Variants in ZNF100 observed in about 807,000 individuals in gnomAD.
The protein encoded by ZNF100 is zinc finger protein 100, also known as zinc finger protein 100 (Y1).
In ZNF100, 12 loss-of-function variants were observed where a neutral mutation model predicts 15.8. The observed-to-expected ratio is 0.76, with a 90% CI of 0.49 to 1.23. ZNF100 has a LOEUF of 1.23. Among genes scored for constraint, ZNF100 ranks in the 50% most tolerant of loss-of-function variants. The pLI, the probability that ZNF100 is intolerant of heterozygous loss-of-function variation, is 0.00. For missense variants in ZNF100, 670 were observed against 635.6 expected (o/e 1.05, Z -0.58); for synonymous variants, 226 against 214.8 (o/e 1.05, Z -0.45).
At chr19:21,741,446 C>T (rs1201968237) in intron 4 of ZNF100, among the ~76,000 whole-genome samples, 3 of 152,126 alleles carry the variant, frequency 2.0e-5, no homozygotes, top group African/African-American at 7.2e-5. Context: ...GCAATCTTGG[C>T]TCACTGCAAC....
Position 21,726,783 on chromosome 19 carries a change from T to C in ZNF100, c.1529A>G (p.Glu510Gly). The change falls in exon 5 of 5, where the codon GAG becomes GGG. Residue 510 changes from glutamate to glycine, a missense_variant. Physicochemically the swap from Glu to Gly is moderately conservative, Grantham distance 98 (BLOSUM62 -2). Transcript: ENST00000358296. ...ACATTCTTCCCATTTGTAAGATTTC[T>C]CTCCAGTATGAGTTATCTTATGTTT... ...LTKHKITHTG[E>G]KSYKWEECGK... The C allele has an allele frequency of 6.2e-7, 1 of 1,613,832 alleles. No individual in the cohort carries two copies. Among genetic ancestry groups the C allele is most frequent in the Non-Finnish European group, 8.5e-7 (1 of 1,179,792 alleles).
rs1011288990 is a variant in ZNF100 at position 21,725,783 on chromosome 19, A to G, written c.*900T>C. The G allele has an allele frequency of 2.0e-5, 3 of 151,974 alleles. No individual in the cohort carries two copies. In the East Asian group the frequency reaches 5.8e-4, roughly 29 times the overall value. The allele number at this position is 151,974 out of a possible 1,614,324, so 9.4% of individuals were successfully genotyped here. ...ATTTTACCAATTTTAGTTTTAGATT[A>G]TTTTCTATACTCAGCACTCTGATTT... On this transcript the variant is annotated 3_prime_UTR_variant, in exon 5 of 5. Transcript: ENST00000358296.
Position 21,767,353 on chromosome 19 carries a change from C to A in ZNF100, c.3+74G>T. 4 of 1,608,910 alleles carry A rather than the reference C, an allele frequency of 2.5e-6. No individual in the cohort carries two copies. In the South Asian group the frequency reaches 4.4e-5, roughly 18 times the overall value. On this transcript the variant is annotated intron_variant, in intron 1 of 4. Coordinates refer to ENST00000358296, the MANE Select transcript of ZNF100 (RefSeq NM_173531.4). ...GCTGACTGCGGAGAGGCCTGAGTCC[C>A]GCCACAGCTACTTCCCACCAGTTCC... is the stretch of plus-strand genomic sequence containing the variant.
At chr19:21,757,397 A>G (rs1599404367) in intron 2 of ZNF100, among the ~76,000 whole-genome samples, 1 of 152,238 alleles carries the variant, frequency 6.6e-6, no homozygotes, top group African/African-American at 2.4e-5. Context: ...AAGATATGCC[A>G]CTGAACTCCA....
At chr19:21,743,878 C>CAAAAAA in intron 4 of ZNF100, 139 bp downstream of exon 4, 2 of 724,152 alleles carry the variant, frequency 2.8e-6, no homozygotes, top group Non-Finnish European at 3.8e-6. Flanking sequence ...AAAAAAAGCC[C>CAAAAAA]AAAAAACAAA....
chr19:21,742,717 T>TA (rs1267688667), intron 4 of ZNF100, among the ~76,000 whole-genome samples: 15 of 151,842 alleles, frequency 9.9e-5, no homozygotes, highest in Non-Finnish European at 1.8e-4. Context: ...ATCTTATATA[T>TA]AAAAAAACCA....
intron 2 of ZNF100, among the ~76,000 whole-genome samples, chr19:21,750,317 G>C (rs1449694762): frequency 6.6e-6 from 1 of 152,052 alleles, no homozygotes; most frequent in Non-Finnish European, 1.5e-5. Context: ...AAAATATTGA[G>C]AAAAAGGGAC....
chr19:21,745,061 A>G lies in ZNF100; in HGVS notation c.103T>C (p.Leu35=), dbSNP rs201851917. Residue 35 remains leucine (L), a synonymous_variant, in exon 3 of 5, where the codon TTG becomes CTG. Coordinates refer to ENST00000358296, the MANE Select transcript of ZNF100 (RefSeq NM_173531.4). ...TCTATGGCCACATCCCTAAACGTCA[A>G]TGGCCCCTGAAAAGCACAAGCACAG... ...LVQSYFEKGP[L]TFRDVAIEFS... 49 of 1,611,338 alleles carry G rather than the reference A, an allele frequency of 3.0e-5. No homozygotes were observed. The highest frequency in any genetic ancestry group is 5.1e-5 in the Admixed American group (3 of 59,106).
intron 2 of ZNF100, among the ~76,000 whole-genome samples, chr19:21,745,435 T>G (rs2036194906): frequency 6.6e-6 from 1 of 152,194 alleles, no homozygotes; most frequent in Admixed American, 6.5e-5. Flanking sequence ...TCCTGAATTT[T>G]AATGTTTACA....
rs1293105788 is a variant in ZNF100, at chr19:21,727,199, T to C, written c.1113A>G (p.Lys371=). Residue 371 remains lysine, a synonymous_variant, in exon 5 of 5, where the codon AAA becomes AAG. Transcript: ENST00000358296. Reference sequence around the variant, plus strand: ...TGCCACATTCTTCACATTTGTAAGGTTTCTCTCCAGCATGAGTTATCTTAT... The same window carrying C: ...TGCCACATTCTTCACATTTGTAAGGCTTCTCTCCAGCATGAGTTATCTTAT... ...TTHKITHAGE[K]PYKCEECGKA... is the part of the protein sequence containing the mutation. 35 of 1,613,806 alleles carry C rather than the reference T, an allele frequency of 2.2e-5. No individual in the cohort carries two copies. The highest frequency in any genetic ancestry group is 3.0e-5 in the Non-Finnish European group (35 of 1,179,896).
intron 4 of ZNF100, among the ~76,000 whole-genome samples, chr19:21,730,587 AAAAAT>A (rs1394270511): frequency 6.6e-6 from 1 of 152,010 alleles, no homozygotes; most frequent in African/African-American, 2.4e-5. Flanking sequence ...TTTCTGTAAT[AAAAAT>A]AAATCAAAAC....
At chr19:21,730,661 G>A (rs59556202) in intron 4 of ZNF100, among the ~76,000 whole-genome samples, 13,951 of 152,080 alleles carry the variant, frequency 0.092, 842 homozygotes, top group South Asian at 0.18. Context: ...ATTTCTAACA[G>A]AGGTATAGAG....
intron 2 of ZNF100, among the ~76,000 whole-genome samples, chr19:21,759,036 G>A (rs80281831): frequency 2.6e-4 from 40 of 152,208 alleles, no homozygotes; most frequent in African/African-American, 7.9e-4. Flanking sequence ...TCTAACATTC[G>A]AATTCTGACA....
chr19:21,764,084 A>C (rs2036523029), intron 2 of ZNF100, among the ~76,000 whole-genome samples: 1 of 152,146 alleles, frequency 6.6e-6, no homozygotes, highest in Non-Finnish European at 1.5e-5. Flanking sequence ...CTCAGCAGAT[A>C]GGCTTCTTCC....
intron 1 of ZNF100, 110 bp downstream of exon 1, chr19:21,767,317 C>A (rs1322070958): frequency 6.3e-7 from 1 of 1,585,404 alleles, no homozygotes; most frequent in Non-Finnish European, 8.6e-7. Context: ...GGGCAAGGCG[C>A]AGATTGTGAA....
chr19:21,728,034 G>C, intron 4 of ZNF100, 45 bp from the exon 5 acceptor site: 1 of 1,426,126 alleles, frequency 7.0e-7, no homozygotes, highest in South Asian at 1.6e-5. Context: ...ACTAGACACA[G>C]ATAGTTTACA....
chr19:21,761,224 A>G (rs887655523), intron 2 of ZNF100, among the ~76,000 whole-genome samples: 5 of 152,160 alleles, frequency 3.3e-5, no homozygotes, highest in Admixed American at 6.5e-5. Context: ...CAAAAAAACT[A>G]TTCTTTTGAA....
intron 2 of ZNF100, among the ~76,000 whole-genome samples, chr19:21,746,231 T>G (rs1287904057): frequency 6.6e-6 from 1 of 152,236 alleles, no homozygotes; most frequent in Admixed American, 6.5e-5. Flanking sequence ...TAAATTATAT[T>G]CTGAATTCAA....
intron 2 of ZNF100, among the ~76,000 whole-genome samples, chr19:21,746,656 A>G (rs1472976719): frequency 6.6e-6 from 1 of 151,988 alleles, no homozygotes; most frequent in Non-Finnish European, 1.5e-5. Context: ...AGTACATAGG[A>G]AAGAAATATT....
Sources: allele counts gnomAD v4.1 joint callset (sites outside exome capture counted in the v4.1 genomes callset), GRCh38; gene constraint gnomAD v4.1.1; transcripts MANE v1.5; gene names NCBI Gene and HGNC (gene_info 2026-07-23, HGNC 2026-07-21).